The following ADGRB2 variants were observed in gnomAD, a reference collection of about 807,000 sequenced individuals.
ADGRB2 encodes the protein adhesion G protein-coupled receptor B2.
In ADGRB2, 47 loss-of-function variants were observed where a neutral mutation model predicts 178.7. The ratio of observed to expected loss-of-function variants is 0.26; its 90% confidence interval spans 0.21 to 0.34. The LOEUF (loss-of-function observed/expected upper bound fraction) is 0.34. Among genes scored for constraint, ADGRB2 ranks in the 10% least tolerant of loss-of-function variants. The pLI, the probability that ADGRB2 is intolerant of heterozygous loss-of-function variation, is 1.00. For synonymous variants in ADGRB2, 870 were observed against 912.4 expected, an observed-to-expected ratio of 0.95 and a Z score of 0.84; for missense variants, 1,584 against 2,180.8, an observed-to-expected ratio of 0.73 and a Z score of 5.45.
rs1356641169 is a variant in ADGRB2 at position 31,731,406 on chromosome 1, C to T, written c.3774G>A (p.Glu1258=). Reference sequence around the variant, plus strand: ...TGGTGGACGGGTTGCAAGTGTTGACCTCCTTGAACAGCACTGGGGGCAGGA... The same window carrying T: ...TGGTGGACGGGTTGCAAGTGTTGACTTCCTTGAACAGCACTGGGGGCAGGA... ...DLACQTVLFK[E]VNTCNPSTIT... Residue 1258 remains glutamate, a synonymous_variant, in exon 29 of 33, where the codon GAG becomes GAA. Transcript: ENST00000373658. The T allele has an allele frequency of 2.5e-6, 4 of 1,600,510 alleles. No homozygotes were observed. The highest frequency in any genetic ancestry group is 2.3e-5 in the South Asian group (2 of 88,604).
chr1:31,741,576 T>C lies in ADGRB2; in HGVS notation c.1687+48A>G. The C allele has an allele frequency of 6.2e-7, 1 of 1,605,614 alleles. No individual in the cohort carries two copies. The highest frequency in any genetic ancestry group is 2.2e-5 in the East Asian group (1 of 44,728). ...AGGCTGGGGGCGCAGAAGGGGGCAA[T>C]GAGAATGGCAGGGGTGGTGGTGGTG... On this transcript the variant is annotated intron_variant, in intron 10 of 32. Transcript: ENST00000373658. The surrounding 1 kb of genome is among the most constrained non-coding windows in gnomAD (Gnocchi z 6.5).
Position 31,727,356 on chromosome 1 carries a change from A to G in ADGRB2, c.*64T>C. 1 of 1,501,224 alleles carries G rather than the reference A, an allele frequency of 6.7e-7. No individual in the cohort carries two copies. The allele number at this position is 1,501,224 out of a possible 1,614,324, so 93.0% of individuals were successfully genotyped here. On this transcript the variant is annotated 3_prime_UTR_variant, in exon 33 of 33. Coordinates refer to ENST00000373658, the MANE Select transcript of ADGRB2 (RefSeq NM_001364857.2). The surrounding 1 kb of genome is among the most constrained non-coding windows in gnomAD (Gnocchi z 4.4). The stretch of plus-strand genomic sequence containing the variant: ...AGGGCGCTGGCTCCTGGGTAGTTCC[A>G]AAGTGGAGTGTGAAAATAGAGAGAT...
intron 6 of ADGRB2, among the ~76,000 whole-genome samples, chr1:31,743,939 C>T (rs576112408): frequency 6.6e-6 from 1 of 152,326 alleles, no homozygotes; most frequent in East Asian, 1.9e-4. Context: ...GCCTTGGTTA[C>T]CAGGATGCAG....
In ADGRB2 at chr1:31,739,021, C is replaced by T. The variant is rs1645789251; in HGVS notation, c.2496-84G>A. 3.2e-6 allele frequency: 4 copies of T among 1,250,380 alleles called. No homozygotes were observed. In the East Asian group the frequency reaches 7.0e-5, roughly 22 times the overall value. The allele number at this position is 1,250,380 out of a possible 1,614,324, so 77.5% of individuals were successfully genotyped here. On this transcript the variant is annotated intron_variant, in intron 15 of 32. Coordinates refer to ENST00000373658, the MANE Select transcript of ADGRB2 (RefSeq NM_001364857.2). ...CCTGAAGCCGCTTTGGATGGGTGTG[C>T]AGAGGCTTCCAAGGAGCCAAGGCCC...
In ADGRB2 at chr1:31,727,291, G is replaced by T; in HGVS notation, c.*129C>A. The T allele has an allele frequency of 6.6e-6, 8 of 1,208,596 alleles. No individual in the cohort carries two copies. The highest frequency in any genetic ancestry group is 1.6e-5 in the African/African-American group (1 of 61,594). The allele number at this position is 1,208,596 out of a possible 1,614,324, so 74.9% of individuals were successfully genotyped here. A position where few individuals can be genotyped will look rare whatever the true frequency, so the allele number is the denominator to read the frequency against. Reference sequence around the variant, plus strand: ...TGTCCGGCTCCCCCAGCCTGGCTGAGTCCACGGCGCCTCCCTGCCCAGCCC... The same window carrying T: ...TGTCCGGCTCCCCCAGCCTGGCTGATTCCACGGCGCCTCCCTGCCCAGCCC... On this transcript the variant is annotated 3_prime_UTR_variant, in exon 33 of 33. Coordinates refer to ENST00000373658, the MANE Select transcript of ADGRB2 (RefSeq NM_001364857.2). This position sits in a 1 kb window ranked among gnomAD's most constrained non-coding sequence, Gnocchi z 4.4.
chr1:31,760,946 G>A (rs956975348), intron 1 of ADGRB2: 1 of 152,090 alleles, frequency 6.6e-6, no homozygotes, highest in Admixed American at 6.5e-5. Flanking sequence ...TCTCTTAGGG[G>A]AGGGGGTTCC....
chr1:31,735,166 C>G lies in ADGRB2; in HGVS notation c.3452+17G>C, dbSNP rs761127444. ...TGCCCCACCCACCCCCACCGCCCCC[C>G]AGGGGGCACGACTAACATGGCGTTC... On this transcript the variant is annotated intron_variant, in intron 25 of 32. Coordinates refer to ENST00000373658, the MANE Select transcript of ADGRB2 (RefSeq NM_001364857.2). This position sits in a 1 kb window ranked among gnomAD's most constrained non-coding sequence, Gnocchi z 6.0. 3 of 1,426,534 alleles carry G rather than the reference C, an allele frequency of 2.1e-6. No homozygotes were observed. In the East Asian group the frequency reaches 7.7e-5, roughly 36 times the overall value. The allele number at this position is 1,426,534 out of a possible 1,614,324, so 88.4% of individuals were successfully genotyped here.
Position 31,728,000 on chromosome 1 carries a change from C to T in ADGRB2, c.4572+25G>A, listed in dbSNP as rs376272079. On this transcript the variant is annotated intron_variant, in intron 32 of 32. Transcript: ENST00000373658. This position sits in a 1 kb window ranked among gnomAD's most constrained non-coding sequence, Gnocchi z 4.4. ...GCACGGGTCCCTCAGGCCCACCTCA[C>T]CCCACCCAGCCCGGGGGGACTCACG... The T allele has an allele frequency of 3.9e-6, 6 of 1,539,416 alleles. No individual in the cohort carries two copies. In the African/African-American group the frequency reaches 5.5e-5, roughly 14 times the overall value.
chr1:31,755,356 G>A lies in ADGRB2; in HGVS notation c.838+643C>T, dbSNP rs916999200. Reference sequence around the variant, plus strand: ...TCAGCAGGAAGCTCTAGCAGCTGGCGGCCTCGGTCCCAGAAGACATGGGTC... The same window carrying A: ...TCAGCAGGAAGCTCTAGCAGCTGGCAGCCTCGGTCCCAGAAGACATGGGTC... On this transcript the variant is annotated intron_variant, in intron 4 of 32. Coordinates refer to ENST00000373658, the MANE Select transcript of ADGRB2 (RefSeq NM_001364857.2). The surrounding 1 kb of genome is among the most constrained non-coding windows in gnomAD (Gnocchi z 5.1). 1.6e-4 allele frequency among the ~76,000 whole-genome samples: 24 copies of A among 152,168 alleles called. No homozygotes were observed. The highest frequency in any genetic ancestry group is 5.6e-4 in the African/African-American group (23 of 41,438).
chr1:31,732,460 G>A, intron 27 of ADGRB2, 57 bp downstream of exon 27: 3 of 1,578,734 alleles, frequency 1.9e-6, no homozygotes, highest in Non-Finnish European at 1.7e-6. Context: ...AGGGCAGGAG[G>A]ATTGGGGTGG....
In ADGRB2 at chr1:31,753,204, C is replaced by T. The variant is rs766158401; in HGVS notation, c.838+2795G>A. 6.6e-6 allele frequency among the ~76,000 whole-genome samples: 1 copy of T among 152,244 alleles called. No individual in the cohort carries two copies. Among genetic ancestry groups the T allele is most frequent in the Non-Finnish European group, 1.5e-5 (1 of 68,040 alleles). On this transcript the variant is annotated intron_variant, in intron 4 of 32. Coordinates refer to ENST00000373658, the MANE Select transcript of ADGRB2 (RefSeq NM_001364857.2). This position sits in a 1 kb window ranked among gnomAD's most constrained non-coding sequence, Gnocchi z 4.1. ...GCCCTGACCTCAGCCAGCCTCCGTG[C>T]CAGTCCTCCACCAAGCTCCTTCCTG...
At position 31,727,923 on chromosome 1, in the gene ADGRB2, C is replaced by T; in HGVS notation, c.4572+102G>A. 1.4e-6 allele frequency: 2 copies of T among 1,410,180 alleles called. No homozygotes were observed. Among genetic ancestry groups the T allele is most frequent in the Admixed American group, 4.5e-5 (2 of 44,480 alleles). 87.4% of individuals were successfully genotyped at this position (1,410,180 alleles called of 1,614,324 possible). A position where few individuals can be genotyped will look rare whatever the true frequency, so the allele number is the denominator to read the frequency against. On this transcript the variant is annotated intron_variant, in intron 32 of 32. Transcript: ENST00000373658. The surrounding 1 kb of genome is among the most constrained non-coding windows in gnomAD (Gnocchi z 4.4). ...ACTGTTGCCCATGCCGTGGGGGAGGCCCTTGGTGAGACAGGCTGGGGTTGC... is the reference window on the plus strand; with the variant it reads ...ACTGTTGCCCATGCCGTGGGGGAGGTCCTTGGTGAGACAGGCTGGGGTTGC...
chr1:31,763,506 C>T, intron 1 of ADGRB2, among the ~76,000 whole-genome samples: 1 of 118,818 alleles, frequency 8.4e-6, no homozygotes, highest in Non-Finnish European at 1.7e-5. Context: ...AATGGGGGGG[C>T]TCTAATAAAG....
At chr1:31,738,112 C>T in intron 18 of ADGRB2, 88 bp downstream of exon 18, 1 of 1,554,672 alleles carries the variant, frequency 6.4e-7, no homozygotes, top group South Asian at 1.2e-5. Context: ...TCAGGATCAC[C>T]CAGGCGCCTG....
Position 31,756,073 on chromosome 1 carries a change from C to A in ADGRB2, c.764G>T (p.Gly255Val), listed in dbSNP as rs758290139. The A allele has an allele frequency of 4.3e-6, 7 of 1,613,888 alleles. No individual in the cohort carries two copies. The highest frequency in any genetic ancestry group is 5.9e-6 in the Non-Finnish European group (7 of 1,179,996). The change falls in exon 4 of 33, where the codon GGC becomes GTC. Residue 255 changes from glycine (G) to valine (V), a missense_variant. This residue lies in a region of ADGRB2 where 657 missense variants were observed against 847.6 expected (regional missense o/e 0.78). Coordinates refer to ENST00000373658, the MANE Select transcript of ADGRB2 (RefSeq NM_001364857.2). This position sits in a 1 kb window ranked among gnomAD's most constrained non-coding sequence, Gnocchi z 8.5. ...HTLSNALVPG[G>V]PAPPAEADLH... is the part of the protein sequence containing the mutation. ...ATCGGCCTCAGCAGGTGGGGCTGGG[C>A]CCCCGGGCACCAGGGCATTGGACAG...
Position 31,740,895 on chromosome 1 carries a change from GCACACACA to G in ADGRB2, c.1795-362_1795-355del, listed in dbSNP as rs145689822. ...AATGAGCATGTGTGTGGGCGCGCGC[GCACACACA>G]CACACACACACACACACACACACTG... On this transcript the variant is annotated intron_variant, in intron 11 of 32. Transcript: ENST00000373658. This position sits in a 1 kb window ranked among gnomAD's most constrained non-coding sequence, Gnocchi z 5.9. Among the ~76,000 whole-genome samples the G allele has an allele frequency of 2.0e-4, 28 of 140,482 alleles. No homozygotes were observed. In the South Asian group the frequency reaches 4.7e-3, roughly 24 times the overall value. The allele number at this position is 140,482 out of a possible 152,430, so 92.2% of individuals were successfully genotyped here. A position where few individuals can be genotyped will look rare whatever the true frequency, so the allele number is the denominator to read the frequency against.
At position 31,754,005 on chromosome 1, in the gene ADGRB2, G is replaced by A. The variant is rs1646710989; in HGVS notation, c.838+1994C>T. The stretch of plus-strand genomic sequence containing the variant: ...CAAGGAAACATGCCAAGTAGGACAA[G>A]GGGCAAGAGCAGAGGTCAGGCTTGG... On this transcript the variant is annotated intron_variant, in intron 4 of 32. Coordinates refer to ENST00000373658, the MANE Select transcript of ADGRB2 (RefSeq NM_001364857.2). This position sits in a 1 kb window ranked among gnomAD's most constrained non-coding sequence, Gnocchi z 5.7. Among the ~76,000 whole-genome samples the A allele has an allele frequency of 6.6e-6, 1 of 152,208 alleles. No individual in the cohort carries two copies. Among genetic ancestry groups the A allele is most frequent in the Non-Finnish European group, 1.5e-5 (1 of 68,030 alleles).
intron 22 of ADGRB2, 119 bp downstream of exon 22, chr1:31,736,201 TG>T: frequency 1.7e-6 from 2 of 1,211,416 alleles, no homozygotes; most frequent in Non-Finnish European, 1.2e-6. Context: ...AGCTCAGAAA[TG>T]GGGAGGAACT....
chr1:31,728,093 G>C lies in ADGRB2; in HGVS notation c.4516-12C>G, dbSNP rs1416528467. 8.1e-6 allele frequency: 13 copies of C among 1,609,836 alleles called. No individual in the cohort carries two copies. Among genetic ancestry groups the C allele is most frequent in the African/African-American group, 1.3e-5 (1 of 74,900 alleles). On this transcript the variant is annotated splice_polypyrimidine_tract_variant and intron_variant, in intron 31 of 32. Transcript: ENST00000373658. This position sits in a 1 kb window ranked among gnomAD's most constrained non-coding sequence, Gnocchi z 6.7. ...CACCGCTTCTCCCTCTGCAACGGGG[G>C]CCACCGGTCAGGCTCCAACCCCAGG...
Sources: allele counts gnomAD v4.1 joint callset (sites outside exome capture counted in the v4.1 genomes callset), GRCh38; gene constraint gnomAD v4.1.1; regional missense constraint gnomAD v4.1.1; non-coding constraint Gnocchi (gnomAD v3.1); transcripts MANE v1.5; gene names NCBI Gene and HGNC (gene_info 2026-07-23, HGNC 2026-07-21).